The following IL1RAPL2 variants were observed in gnomAD, a reference collection of about 807,000 sequenced individuals.
The protein encoded by IL1RAPL2 is interleukin 1 receptor accessory protein like 2, also known as X-linked interleukin-1 receptor accessory protein-like 2.
IL1RAPL2 carries 3 observed loss-of-function variants against 44.1 expected under a neutral mutation model. The observed-to-expected ratio is 0.07, with a 90% CI of 0.03 to 0.18. The LOEUF (loss-of-function observed/expected upper bound fraction) is 0.18, where lower values mean the gene tolerates loss of function less well. Among genes scored for constraint, IL1RAPL2 ranks in the 10% least tolerant of loss-of-function variants. IL1RAPL2 has a pLI of 1.00. For synonymous variants in IL1RAPL2, 181 were observed against 178.8 expected, an observed-to-expected ratio of 1.01 and a Z score of -0.10; for missense variants, 391 against 496.4, an observed-to-expected ratio of 0.79 and a Z score of 2.02.
intron 5 of IL1RAPL2, among the ~76,000 whole-genome samples, chrX:105,429,195 T>C (rs1221261392): frequency 8.9e-6 from 1 of 111,841 alleles, no homozygotes; most frequent in Non-Finnish European, 1.9e-5. Flanking sequence ...AATTAGTACA[T>C]TGATCAAAAA....
intron 2 of IL1RAPL2, among the ~76,000 whole-genome samples, chrX:104,999,852 C>A (rs1315278265): frequency 9.0e-6 from 1 of 111,610 alleles, no homozygotes; most frequent in Non-Finnish European, 1.9e-5. Context: ...CCCCTATGTA[C>A]AAGGCAAACC....
chrX:105,612,691 T>C (rs375030248), intron 6 of IL1RAPL2, among the ~76,000 whole-genome samples: 6 of 111,899 alleles, frequency 5.4e-5, no homozygotes, highest in South Asian at 7.5e-4. Context: ...CACTTGAAAG[T>C]GCAGGAATTG....
chrX:105,514,329 A>C (rs930626555), intron 6 of IL1RAPL2, among the ~76,000 whole-genome samples: 1 of 111,464 alleles, frequency 9.0e-6, no homozygotes, highest in Non-Finnish European at 1.9e-5. Flanking sequence ...TAATCTAGAC[A>C]TGGGTGGGGC....
chrX:105,477,938 ATAT>A (rs746140074), intron 5 of IL1RAPL2, among the ~76,000 whole-genome samples: 7 of 111,506 alleles, frequency 6.3e-5, no homozygotes, highest in Non-Finnish European at 9.4e-5. Context: ...TTGGCATAAA[ATAT>A]TATTGTTTTA....
At chrX:105,098,623 G>A (rs777959193) in intron 2 of IL1RAPL2, among the ~76,000 whole-genome samples, 14 of 112,312 alleles carry the variant, frequency 1.2e-4, no homozygotes, top group African/African-American at 4.2e-4. Flanking sequence ...TACTTTGTAT[G>A]AAAGGAGTGT....
intron 10 of IL1RAPL2, among the ~76,000 whole-genome samples, chrX:105,764,429 T>C (rs1372052486): frequency 8.9e-6 from 1 of 112,173 alleles, no homozygotes; most frequent in Non-Finnish European, 1.9e-5. Flanking sequence ...CCCAGTCAAA[T>C]GAATTACTAC....
intron 4 of IL1RAPL2, among the ~76,000 whole-genome samples, chrX:105,257,032 G>A (rs1422764883): frequency 9.0e-6 from 1 of 111,529 alleles, no homozygotes; most frequent in Non-Finnish European, 1.9e-5. Flanking sequence ...TTGATGTTAG[G>A]TTGTTAATTT....
intron 3 of IL1RAPL2, among the ~76,000 whole-genome samples, chrX:105,224,139 G>T (rs915129405): frequency 8.1e-5 from 9 of 110,661 alleles, no homozygotes. Context: ...AAGGAATCCC[G>T]AGGTCTTGGA....
At chrX:105,677,007 T>A (rs187792893) in intron 6 of IL1RAPL2, among the ~76,000 whole-genome samples, 210 of 112,161 alleles carry the variant, frequency 1.9e-3, no homozygotes, top group Non-Finnish European at 3.4e-3. Context: ...GAAGTAAACC[T>A]CCAATTTTTT....
At chrX:105,075,009 T>C (rs7886813) in intron 2 of IL1RAPL2, among the ~76,000 whole-genome samples, 9,090 of 111,073 alleles carry the variant, frequency 0.082, 977 homozygotes, top group African/African-American at 0.28. Flanking sequence ...TGACTTCCTC[T>C]TTTCCTAAAT....
At chrX:104,772,648 G>A (rs2179147) in intron 2 of IL1RAPL2, among the ~76,000 whole-genome samples, 4 of 110,557 alleles carry the variant, frequency 3.6e-5, no homozygotes, top group African/African-American at 1.3e-4. Flanking sequence ...ATGTATAATT[G>A]TTAGTTTGTC....
In IL1RAPL2 at chrX:105,746,557, G is replaced by A. The variant is rs764415445; in HGVS notation, c.1049-2403G>A. Among the ~76,000 whole-genome samples, 3 of 111,732 alleles carry A rather than the reference G, an allele frequency of 2.7e-5. No individual in the cohort carries two copies. The East Asian group carries it at 8.5e-4, about 32-fold the overall frequency. The stretch of plus-strand genomic sequence containing the variant: ...TCAAAGAATCTGGTTGAGTCTCTGG[G>A]CCTAGGTTCACAGTTTTCAACTTGA... On this transcript the variant is annotated intron_variant, in intron 8 of 10. Transcript: ENST00000372582.
intron 2 of IL1RAPL2, among the ~76,000 whole-genome samples, chrX:104,912,360 T>C (rs757267963): frequency 5.8e-4 from 64 of 110,546 alleles, no homozygotes; most frequent in Non-Finnish European, 1.0e-3. Flanking sequence ...TTCTCCTGAG[T>C]TACAGTATGG....
chrX:105,361,280 A>AT (rs1238776073), intron 5 of IL1RAPL2, among the ~76,000 whole-genome samples: 1 of 111,836 alleles, frequency 8.9e-6, no homozygotes, highest in East Asian at 2.8e-4. Flanking sequence ...TTACTGACAT[A>AT]TTTTGAGTCA....
At chrX:105,557,783 C>A (rs2036906762) in intron 6 of IL1RAPL2, among the ~76,000 whole-genome samples, 1 of 110,882 alleles carries the variant, frequency 9.0e-6, no homozygotes, top group African/African-American at 3.3e-5. Context: ...ATTGGCAATT[C>A]ATATAATTTT....
intron 2 of IL1RAPL2, among the ~76,000 whole-genome samples, chrX:104,701,117 A>G (rs1382362519): frequency 9.0e-6 from 1 of 111,583 alleles, no homozygotes; most frequent in East Asian, 2.8e-4. Flanking sequence ...ATAACTTCAC[A>G]TTTTATTGTG....
rs2147553662 is a variant in IL1RAPL2 at position 105,717,470 on chromosome X, A to G, written c.876A>G (p.Ala292=). The part of the protein sequence containing the change: ...MKGEKFIEEL[A]GHIREGEIRL... ...GAGAAAAGTTTATTGAAGAACTGGC[A>G]GGTCACATTAGAGAAGGTGAAATAA... The change falls in exon 7 of 11, where the codon GCA becomes GCG. Residue 292 remains alanine, a synonymous_variant. Transcript: ENST00000372582. 8.3e-7 allele frequency: 1 copy of G among 1,204,492 alleles called. No homozygotes were observed. Among genetic ancestry groups the G allele is most frequent in the Non-Finnish European group, 1.1e-6 (1 of 890,552 alleles).
intron 6 of IL1RAPL2, among the ~76,000 whole-genome samples, chrX:105,631,740 A>C (rs891060956): frequency 8.0e-5 from 9 of 112,069 alleles, no homozygotes; most frequent in African/African-American, 2.9e-4. Flanking sequence ...GATAGGCAGG[A>C]GTGATAGGAA....
chrX:105,110,981 G>A (rs1021335563), intron 2 of IL1RAPL2, among the ~76,000 whole-genome samples: 3 of 111,305 alleles, frequency 2.7e-5, no homozygotes, highest in African/African-American at 9.8e-5. Flanking sequence ...ATAAAACATG[G>A]AGTGACTTTA....
Sources: gnomAD v4.1 joint callset for allele counts (sites outside exome capture counted in the v4.1 genomes callset) on GRCh38, gnomAD v4.1.1 for gene constraint, MANE v1.5 for transcripts, NCBI Gene and HGNC (gene_info 2026-07-23, HGNC 2026-07-21) for gene names.